SLC25A24: variants seen among roughly 807,000 people sequenced by gnomAD.
SLC25A24 encodes the protein solute carrier family 25 member 24.
Under a neutral mutation model 60.7 loss-of-function variants are expected in SLC25A24, and 49 were observed. The ratio of observed to expected loss-of-function variants is 0.81; its 90% confidence interval spans 0.64 to 1.02. SLC25A24 has a LOEUF of 1.02. Ranked by LOEUF, SLC25A24 falls within the 50% of genes least tolerant of loss-of-function variation. The probability of loss-of-function intolerance (pLI) is 0.00; values close to 1 mark genes in which losing one functional copy is unlikely to be tolerated. For synonymous variants in SLC25A24, 202 were observed against 200.6 expected (o/e 1.01, Z -0.06); for missense variants, 564 against 586.3 (o/e 0.96, Z 0.39).
chr1:108,174,377 C>T (rs11185297), intron 3 of SLC25A24, among the ~76,000 whole-genome samples: 5,503 of 152,272 alleles, frequency 0.036, 290 homozygotes, highest in East Asian at 0.28. Context: ...GTTGAGTCTG[C>T]GGGCACACAG....
At chr1:108,192,090 A>T (rs1648359554) in intron 1 of SLC25A24, among the ~76,000 whole-genome samples, 1 of 137,908 alleles carries the variant, frequency 7.3e-6, no homozygotes, top group African/African-American at 2.5e-5. Flanking sequence ...AACATCAGAA[A>T]ATTTCCAATC....
At chr1:108,184,453 C>T (rs1185648773) in intron 2 of SLC25A24, among the ~76,000 whole-genome samples, 1 of 152,186 alleles carries the variant, frequency 6.6e-6, no homozygotes, top group African/African-American at 2.4e-5. Flanking sequence ...ACAAATGTTC[C>T]AATAGTACTA....
At chr1:108,186,582 A>C (rs1420078975) in intron 1 of SLC25A24, among the ~76,000 whole-genome samples, 2 of 152,114 alleles carry the variant, frequency 1.3e-5, no homozygotes, top group African/African-American at 4.8e-5. Context: ...AGAAAGCCTA[A>C]ACTAGTGTTT....
At chr1:108,192,092 T>C (rs1648359670) in intron 1 of SLC25A24, among the ~76,000 whole-genome samples, 1 of 137,548 alleles carries the variant, frequency 7.3e-6, no homozygotes, top group African/African-American at 2.5e-5. Flanking sequence ...CATCAGAAAA[T>C]TTCCAATCAC....
At chr1:108,180,239 C>G (rs1647866070) in intron 3 of SLC25A24, among the ~76,000 whole-genome samples, 1 of 151,902 alleles carries the variant, frequency 6.6e-6, no homozygotes, top group South Asian at 2.1e-4. Flanking sequence ...GTGGCGCGTG[C>G]CTATAGTCCC....
At chr1:108,140,879 A>G (rs1038407569) in intron 8 of SLC25A24, among the ~76,000 whole-genome samples, 2 of 152,096 alleles carry the variant, frequency 1.3e-5, no homozygotes, top group African/African-American at 4.8e-5. Flanking sequence ...AGGGAAAAAC[A>G]GAAAAGCCAC....
intron 1 of SLC25A24, among the ~76,000 whole-genome samples, chr1:108,196,745 G>A (rs540477455): frequency 6.6e-6 from 1 of 152,286 alleles, no homozygotes; most frequent in South Asian, 2.1e-4. Context: ...GGTGGAAGGG[G>A]CAAGGAAGGT....
chr1:108,171,111 T>C (rs1485939489), intron 3 of SLC25A24, among the ~76,000 whole-genome samples: 1 of 152,194 alleles, frequency 6.6e-6, no homozygotes, highest in Non-Finnish European at 1.5e-5. Context: ...TACTCTTCAT[T>C]GGATTGTTTC....
intron 1 of SLC25A24, among the ~76,000 whole-genome samples, chr1:108,187,927 G>GATAGATAGATATATAGATATAT: frequency 1.0e-5 from 1 of 95,748 alleles, no homozygotes; most frequent in Non-Finnish European, 2.1e-5. Context: ...AGACATTATA[G>GATAGATAGATATATAGATATAT]ATATATATAT....
At chr1:108,146,565 C>T (rs1472226371) in intron 7 of SLC25A24, among the ~76,000 whole-genome samples, 1 of 152,124 alleles carries the variant, frequency 6.6e-6, no homozygotes, top group Non-Finnish European at 1.5e-5. Context: ...TCATAAACAG[C>T]TCTTATTATT....
At chr1:108,181,275 CAAT>C (rs960023052) in intron 3 of SLC25A24, among the ~76,000 whole-genome samples, 2 of 144,250 alleles carry the variant, frequency 1.4e-5, no homozygotes, top group Admixed American at 7.0e-5. Flanking sequence ...ATATTCACAA[CAAT>C]ATTAATACAA....
In SLC25A24 at chr1:108,200,328, G is replaced by A. The variant is rs1648631408; in HGVS notation, c.-190C>T. ...GAGCGGAGACCCCACCCGAGCCCGC[G>A]CGGAGCGCAGGGTGTGGCCGTCCCG... On this transcript the variant is annotated 5_prime_UTR_variant, in exon 1 of 10. Coordinates refer to ENST00000565488, the MANE Select transcript of SLC25A24 (RefSeq NM_013386.5). 2.8e-6 allele frequency: 1 copy of A among 362,260 alleles called. No homozygotes were observed. Among genetic ancestry groups the A allele is most frequent in the Non-Finnish European group, 4.6e-6 (1 of 215,442 alleles). The allele number at this position is 362,260 out of a possible 1,614,324, so 22.4% of individuals were successfully genotyped here.
intron 6 of SLC25A24, among the ~76,000 whole-genome samples, chr1:108,151,668 T>C (rs1228155702): frequency 6.6e-6 from 1 of 152,188 alleles, no homozygotes; most frequent in East Asian, 1.9e-4. Flanking sequence ...TCTTCTTGAG[T>C]GATCCTGCCC....
intron 1 of SLC25A24, among the ~76,000 whole-genome samples, chr1:108,197,487 A>G (rs1648529414): frequency 6.6e-6 from 1 of 152,194 alleles, no homozygotes; most frequent in Non-Finnish European, 1.5e-5. Context: ...CAAGTAGCCA[A>G]TGTCCTCACT....
chr1:108,185,696 TA>T (rs1392394618), intron 2 of SLC25A24, 131 bp downstream of exon 2: 125 of 664,556 alleles, frequency 1.9e-4, no homozygotes, highest in East Asian at 2.9e-4. Flanking sequence ...ATCACATTAC[TA>T]AAAAAAAGTA....
chr1:108,155,221 C>T, intron 5 of SLC25A24, 86 bp from the exon 6 acceptor site: 2 of 1,164,730 alleles, frequency 1.7e-6, no homozygotes, highest in Non-Finnish European at 1.2e-6. Context: ...TTTTTCAATA[C>T]CCTTTCTAAC....
chr1:108,152,091 A>G lies in SLC25A24; in HGVS notation c.822+2892T>C, dbSNP rs554774494. ...ATGTCTCCACTCTTTTTTCAGGTTG[A>G]TATTCCTTAAATGTGAATGTACTCA... On this transcript the variant is annotated intron_variant, in intron 6 of 9. Coordinates refer to ENST00000565488, the MANE Select transcript of SLC25A24 (RefSeq NM_013386.5). Among the ~76,000 whole-genome samples, 29 of 152,258 alleles carry G rather than the reference A, an allele frequency of 1.9e-4. No homozygotes were observed. The East Asian group carries it at 5.0e-3, about 26-fold the overall frequency.
chr1:108,175,085 G>A (rs948820332), intron 3 of SLC25A24, among the ~76,000 whole-genome samples: 1 of 152,132 alleles, frequency 6.6e-6, no homozygotes, highest in South Asian at 2.1e-4. Flanking sequence ...ATTGTGTTTT[G>A]CAATGTGAGA....
chr1:108,158,368 G>C (rs1679960232), intron 4 of SLC25A24, among the ~76,000 whole-genome samples: 1 of 151,974 alleles, frequency 6.6e-6, no homozygotes, highest in Admixed American at 6.6e-5. Flanking sequence ...AGTGCAACGG[G>C]GAGGAGCTCT....
Sources: allele counts gnomAD v4.1 joint callset (sites outside exome capture counted in the v4.1 genomes callset), GRCh38; gene constraint gnomAD v4.1.1; transcripts MANE v1.5; gene names NCBI Gene and HGNC (gene_info 2026-07-23, HGNC 2026-07-21).